Variants in LHFPL2 observed in about 807,000 individuals in gnomAD.
LHFPL2 encodes LHFPL tetraspan subfamily member 2 protein.
In LHFPL2, 7 loss-of-function variants were observed where a neutral mutation model predicts 17.5. The observed-to-expected ratio is 0.40, with a 90% CI of 0.23 to 0.75. LHFPL2 has a LOEUF of 0.75. Among genes scored for constraint, LHFPL2 ranks in the 30% least tolerant of loss-of-function variants. LHFPL2 has a pLI of 0.37. For missense variants in LHFPL2, 241 were observed against 294.8 expected, an observed-to-expected ratio of 0.82 and a Z score of 1.34; for synonymous variants, 134 against 116.2, an observed-to-expected ratio of 1.15 and a Z score of -0.99.
chr5:78,548,780 T>A (rs1277337825), intron 3 of LHFPL2, among the ~76,000 whole-genome samples: 1 of 152,234 alleles, frequency 6.6e-6, no homozygotes, highest in Non-Finnish European at 1.5e-5. Context: ...TTCTGTGCTG[T>A]TCCTCATGTG....
At chr5:78,493,210 C>A (rs552452945) in intron 4 of LHFPL2, among the ~76,000 whole-genome samples, 1 of 152,324 alleles carries the variant, frequency 6.6e-6, no homozygotes, top group South Asian at 2.1e-4. Flanking sequence ...GAATGCCACA[C>A]GTAGTCCTCC....
chr5:78,514,958 T>C (rs1469586393), intron 3 of LHFPL2, among the ~76,000 whole-genome samples: 1 of 152,228 alleles, frequency 6.6e-6, no homozygotes, highest in Non-Finnish European at 1.5e-5. Context: ...ATTTATAGCA[T>C]ACACACTCAC....
intron 3 of LHFPL2, among the ~76,000 whole-genome samples, chr5:78,524,419 CAAT>C (rs558462952): frequency 1.4e-3 from 210 of 152,282 alleles, no homozygotes; most frequent in African/African-American, 2.7e-3. Flanking sequence ...TCTGTTCCAA[CAAT>C]AATATCACAA....
intron 2 of LHFPL2, among the ~76,000 whole-genome samples, chr5:78,589,393 C>T (rs1025489980): frequency 2.0e-5 from 3 of 151,466 alleles, no homozygotes; most frequent in Non-Finnish European, 4.4e-5. Flanking sequence ...TCGCTTGAAC[C>T]CGGGAGGCAG....
At chr5:78,513,573 G>C (rs58537592) in intron 3 of LHFPL2, among the ~76,000 whole-genome samples, 41,182 of 151,998 alleles carry the variant, frequency 0.27, 5,828 homozygotes, top group East Asian at 0.47. Context: ...AGCTGTGTCC[G>C]CACCCAAATC....
intron 4 of LHFPL2, among the ~76,000 whole-genome samples, chr5:78,498,036 GAGA>G (rs1201735776): frequency 1.3e-5 from 2 of 152,236 alleles, no homozygotes; most frequent in South Asian, 2.1e-4. Context: ...CAGCACGCGG[GAGA>G]AGGACGGGAA....
chr5:78,615,202 A>G (rs1165911419), intron 2 of LHFPL2, among the ~76,000 whole-genome samples: 1 of 152,118 alleles, frequency 6.6e-6, no homozygotes, highest in Non-Finnish European at 1.5e-5. Context: ...TGGTGTGTGG[A>G]GTGTGGGGAA....
At chr5:78,495,700 C>A (rs775205053) in intron 4 of LHFPL2, among the ~76,000 whole-genome samples, 1 of 152,288 alleles carries the variant, frequency 6.6e-6, no homozygotes, top group South Asian at 2.1e-4. Flanking sequence ...AATATCGGAA[C>A]GTCTCTGGAG....
intron 3 of LHFPL2, among the ~76,000 whole-genome samples, chr5:78,530,042 C>A (rs1313098860): frequency 6.6e-6 from 1 of 152,166 alleles, no homozygotes; most frequent in Non-Finnish European, 1.5e-5. Flanking sequence ...GAAGATTGGG[C>A]AAATGCCATT....
chr5:78,617,350 A>G (rs1449305072), intron 2 of LHFPL2, among the ~76,000 whole-genome samples: 1 of 152,230 alleles, frequency 6.6e-6, no homozygotes, highest in East Asian at 1.9e-4. Flanking sequence ...TAAAAGGAAC[A>G]GGAACTCCAC....
At chr5:78,622,724 A>T (rs1190459598) in intron 2 of LHFPL2, among the ~76,000 whole-genome samples, 1 of 152,244 alleles carries the variant, frequency 6.6e-6, no homozygotes, top group Non-Finnish European at 1.5e-5. Flanking sequence ...TTATCACCAA[A>T]CAAAATCTAA....
At chr5:78,639,033 T>A (rs180780088) in intron 1 of LHFPL2, among the ~76,000 whole-genome samples, 2 of 152,310 alleles carry the variant, frequency 1.3e-5, no homozygotes, top group African/African-American at 4.8e-5. Context: ...AGAAGCCTCT[T>A]AGGACCAGAA....
At chr5:78,551,818 C>T (rs866041283) in intron 3 of LHFPL2, among the ~76,000 whole-genome samples, 1 of 152,118 alleles carries the variant, frequency 6.6e-6, no homozygotes, top group Non-Finnish European at 1.5e-5. Flanking sequence ...TCTGATCTAC[C>T]TTTTTTGACT....
chr5:78,628,957 A>G (rs113053642), intron 2 of LHFPL2, among the ~76,000 whole-genome samples: 17 of 152,360 alleles, frequency 1.1e-4, no homozygotes, highest in African/African-American at 3.8e-4. Context: ...GATTTGAAGA[A>G]GAAACCTGAG....
chr5:78,599,605 C>G (rs898823305), intron 2 of LHFPL2, among the ~76,000 whole-genome samples: 1 of 152,090 alleles, frequency 6.6e-6, no homozygotes, highest in African/African-American at 2.4e-5. Context: ...CTACACCCAG[C>G]CCCTACTTCT....
At position 78,561,326 on chromosome 5, in the gene LHFPL2, T is replaced by C. The variant is rs144210045; in HGVS notation, c.-186+3487A>G. 8.7e-3 allele frequency among the ~76,000 whole-genome samples: 1,320 copies of C among 152,340 alleles called. 9 individuals carry two copies. Among genetic ancestry groups the C allele is most frequent in the Non-Finnish European group, 0.013 (874 of 68,030 alleles). ...TCAGTCGCACTAGTCATATGTCAAG[T>C]GCTCAGCAGCCACACGGGGAGATGC... On this transcript the variant is annotated intron_variant, in intron 3 of 4. Coordinates refer to ENST00000380345, the MANE Select transcript of LHFPL2 (RefSeq NM_005779.3).
rs183378448 is a variant in LHFPL2, at chr5:78,578,824, C to A, written c.-244-13953G>T. Among the ~76,000 whole-genome samples the A allele has an allele frequency of 4.6e-4, 70 of 152,342 alleles. 1 individual carries two copies. In the East Asian group the frequency reaches 0.013, roughly 28 times the overall value. ...TACTCCATCTCTAACTCTAGGTTCT[C>A]AGTAGAATGTTTGTTCCCAGCTACC... On this transcript the variant is annotated intron_variant, in intron 2 of 4. Transcript: ENST00000380345.
chr5:78,613,039 C>T (rs1744470807), intron 2 of LHFPL2, among the ~76,000 whole-genome samples: 1 of 152,178 alleles, frequency 6.6e-6, no homozygotes, highest in Non-Finnish European at 1.5e-5. Flanking sequence ...ATGGAGCAGG[C>T]AGCTGTACAC....
At chr5:78,549,633 T>C (rs1015654082) in intron 3 of LHFPL2, among the ~76,000 whole-genome samples, 3 of 152,200 alleles carry the variant, frequency 2.0e-5, no homozygotes, top group African/African-American at 7.2e-5. Flanking sequence ...TTCTGCTCGA[T>C]TTTCTTTCAT....
Sources: gnomAD v4.1 joint callset for allele counts (sites outside exome capture counted in the v4.1 genomes callset) on GRCh38, gnomAD v4.1.1 for gene constraint, MANE v1.5 for transcripts, NCBI Gene and HGNC (gene_info 2026-07-23, HGNC 2026-07-21) for gene names.